The following CNTN5 variants were observed in gnomAD, a reference collection of about 807,000 sequenced individuals.
CNTN5 encodes the protein contactin-5.
CNTN5 carries 77 observed loss-of-function variants against 129.1 expected under a neutral mutation model. The observed-to-expected ratio is 0.60, with a 90% CI of 0.50 to 0.72. The LOEUF (loss-of-function observed/expected upper bound fraction) is 0.72. CNTN5 is among the 30% of genes least tolerant of loss of function. The pLI is 0.00. For missense variants in CNTN5, 1,478 were observed against 1,328.8 expected, an observed-to-expected ratio of 1.11 and a Z score of -1.75; for synonymous variants, 509 against 465.6, an observed-to-expected ratio of 1.09 and a Z score of -1.20.
At chr11:99,793,029 C>A (rs928816925) in intron 3 of CNTN5, among the ~76,000 whole-genome samples, 1 of 151,384 alleles carries the variant, frequency 6.6e-6, no homozygotes, top group Non-Finnish European at 1.5e-5. Flanking sequence ...ATTTTTTTGC[C>A]TGTATTAGTC....
chr11:99,796,777 A>G (rs1945956478), intron 3 of CNTN5, among the ~76,000 whole-genome samples: 1 of 152,050 alleles, frequency 6.6e-6, no homozygotes, highest in African/African-American at 2.4e-5. Flanking sequence ...TCCCTGGCTG[A>G]GCTTCACTGC....
chr11:99,859,411 G>A (rs1244967534), intron 6 of CNTN5, among the ~76,000 whole-genome samples: 1 of 152,062 alleles, frequency 6.6e-6, no homozygotes, highest in East Asian at 1.9e-4. Context: ...TTGTTACCTG[G>A]GTACATTGCA....
chr11:99,408,190 C>T lies in CNTN5; in HGVS notation c.-71+82706C>T, dbSNP rs143783939. On this transcript the variant is annotated intron_variant, in intron 2 of 24. Transcript: ENST00000524871. The stretch of plus-strand genomic sequence containing the variant: ...CCTTTTAATTTCACTGGCGTTTTTG[C>T]AGGCTTCTTTTTTAAAAAGTATCAT... 6.7e-3 allele frequency among the ~76,000 whole-genome samples: 1,010 copies of T among 151,724 alleles called. 8 individuals are homozygous for T. The highest frequency in any genetic ancestry group is 0.012 in the Non-Finnish European group (784 of 67,920).
At chr11:99,684,119 A>C (rs1054637092) in intron 3 of CNTN5, among the ~76,000 whole-genome samples, 53 of 151,648 alleles carry the variant, frequency 3.5e-4, no homozygotes, top group Non-Finnish European at 7.1e-4. Flanking sequence ...TGGTAACCAC[A>C]CTTTCACTCC....
intron 1 of CNTN5, among the ~76,000 whole-genome samples, chr11:99,237,170 A>G (rs1216125279): frequency 6.6e-6 from 1 of 152,000 alleles, no homozygotes; most frequent in African/African-American, 2.4e-5. Context: ...ACATTGAAAA[A>G]TATATATCTA....
chr11:99,704,643 G>C (rs1038840192), intron 3 of CNTN5, among the ~76,000 whole-genome samples: 2 of 151,068 alleles, frequency 1.3e-5, no homozygotes, highest in Admixed American at 1.3e-4. Context: ...TGTTTACTAC[G>C]TACCTACTAC....
intron 3 of CNTN5, among the ~76,000 whole-genome samples, chr11:99,568,316 G>C (rs1464293873): frequency 6.6e-6 from 1 of 152,240 alleles, no homozygotes; most frequent in South Asian, 2.1e-4. Context: ...ATAAAGTAAT[G>C]CTCCAATAAT....
chr11:99,939,353 A>G (rs1412981659), intron 7 of CNTN5, among the ~76,000 whole-genome samples: 1 of 152,090 alleles, frequency 6.6e-6, no homozygotes, highest in African/African-American at 2.4e-5. Context: ...CTAGAAATAC[A>G]TATTTTGTTA....
At chr11:99,148,632 T>C (rs1265348606) in intron 1 of CNTN5, among the ~76,000 whole-genome samples, 4 of 152,208 alleles carry the variant, frequency 2.6e-5, no homozygotes, top group Admixed American at 2.0e-4. Flanking sequence ...CAGCTATTTG[T>C]TACAAGATTA....
At chr11:100,097,176 A>C (rs1565236836) in intron 13 of CNTN5, among the ~76,000 whole-genome samples, 1 of 152,158 alleles carries the variant, frequency 6.6e-6, no homozygotes, top group Non-Finnish European at 1.5e-5. Context: ...AATATATCAC[A>C]ATTCCTTTAG....
intron 13 of CNTN5, among the ~76,000 whole-genome samples, chr11:100,101,238 G>GC (rs776083825): frequency 1.6e-4 from 24 of 152,192 alleles, no homozygotes; most frequent in South Asian, 6.2e-4. Context: ...TAGAAGAGGA[G>GC]CTTTCAAAAG....
chr11:99,821,187 G>A (rs575733721), intron 4 of CNTN5, among the ~76,000 whole-genome samples: 172 of 152,078 alleles, frequency 1.1e-3, no homozygotes, highest in African/African-American at 3.9e-3. Flanking sequence ...TTGTATAGTC[G>A]GTATAATTTT....
chr11:100,200,987 T>C (rs948014706), intron 15 of CNTN5, among the ~76,000 whole-genome samples: 4 of 151,968 alleles, frequency 2.6e-5, no homozygotes, highest in Non-Finnish European at 5.9e-5. Flanking sequence ...ATATTCTCAC[T>C]GAGTTGATTG....
chr11:99,777,924 A>G (rs1033107949), intron 3 of CNTN5, among the ~76,000 whole-genome samples: 3 of 151,906 alleles, frequency 2.0e-5, no homozygotes, highest in African/African-American at 7.2e-5. Flanking sequence ...TGACAACCCC[A>G]TTAAACACAG....
chr11:100,266,327 G>A (rs148768891), intron 17 of CNTN5, among the ~76,000 whole-genome samples: 32 of 152,172 alleles, frequency 2.1e-4, no homozygotes, highest in African/African-American at 7.2e-4. Context: ...TTTCGTTGCT[G>A]TCATGTTCTC....
intron 21 of CNTN5, among the ~76,000 whole-genome samples, chr11:100,313,154 AG>A (rs1468293170): frequency 1.3e-5 from 2 of 152,042 alleles, no homozygotes; most frequent in Non-Finnish European, 2.9e-5. Flanking sequence ...TAAGGAGGGA[AG>A]TCACAATGTC....
chr11:99,232,165 G>GC (rs1394347031), intron 1 of CNTN5, among the ~76,000 whole-genome samples: 2 of 152,040 alleles, frequency 1.3e-5, no homozygotes, highest in African/African-American at 4.8e-5. Flanking sequence ...TTTTAAAATA[G>GC]TTTTTCTCTA....
rs769527910 is a variant in CNTN5 at position 100,224,764 on chromosome 11, C to T, written c.1957C>T (p.Gln653Ter). The part of the protein sequence containing the change: ...MHAGRYGCRV[Q>*]TTADSVSDEA... ...TGCTGGGAGATATGGCTGCAGGGTA[C>T]AGACCACAGCAGACAGTGTGTCAGA... The change falls in exon 16 of 25, where the codon CAG becomes TAG. Residue 653 changes from glutamine (Q) to a stop codon, truncating the protein, a stop_gained. Transcript: ENST00000524871. LOFTEE classifies it high-confidence loss of function. 2 of 1,613,126 alleles carry T rather than the reference C, an allele frequency of 1.2e-6. No homozygotes were observed. Among genetic ancestry groups the T allele is most frequent in the South Asian group, 2.2e-5 (2 of 91,064 alleles).
At chr11:99,817,596 G>GTTTTTTTTTTTTTT (rs372057505) in intron 3 of CNTN5, among the ~76,000 whole-genome samples, 3 of 99,640 alleles carry the variant, frequency 3.0e-5, no homozygotes, top group Non-Finnish European at 5.6e-5. Context: ...GTCTGGGATA[G>GTTTTTTTTTTTTTT]TTTTTTTTTT....
Sources: gnomAD v4.1 joint callset for allele counts (sites outside exome capture counted in the v4.1 genomes callset) on GRCh38, gnomAD v4.1.1 for gene constraint, MANE v1.5 for transcripts, NCBI Gene and HGNC (gene_info 2026-07-23, HGNC 2026-07-21) for gene names.